The following PPTC7 variants were observed in gnomAD, a reference collection of about 807,000 sequenced individuals.
The protein encoded by PPTC7 is protein phosphatase PTC7 homolog.
In PPTC7, 6 loss-of-function variants were observed where a neutral mutation model predicts 30.8. The ratio of observed to expected loss-of-function variants is 0.19; its 90% CI spans 0.11 to 0.38. The LOEUF is 0.38. PPTC7 is among the 10% of genes least tolerant of loss of function. The pLI is 1.00. For missense variants in PPTC7, 218 were observed against 404.8 expected (o/e 0.54, Z 3.96); for synonymous variants, 163 against 168.1 (o/e 0.97, Z 0.23).
At chr12:110,571,623 C>A (rs2064538059) in intron 1 of PPTC7, among the ~76,000 whole-genome samples, 1 of 152,202 alleles carries the variant, frequency 6.6e-6, no homozygotes, top group Non-Finnish European at 1.5e-5. Context: ...CTGCTCACCT[C>A]TAACTGTGCC....
At chr12:110,553,211 G>C (rs1042316162) in intron 1 of PPTC7, among the ~76,000 whole-genome samples, 1 of 143,862 alleles carries the variant, frequency 7.0e-6, no homozygotes, top group Admixed American at 6.9e-5. Context: ...GCAGTGGCGT[G>C]ATCTCGGCTC....
chr12:110,540,382 C>T (rs1436076843), intron 3 of PPTC7, among the ~76,000 whole-genome samples: 3 of 125,992 alleles, frequency 2.4e-5, no homozygotes, highest in African/African-American at 8.8e-5. Flanking sequence ...AATGCAGTGG[C>T]ACGATATAGG....
At chr12:110,537,846 G>A (rs1369942089) in intron 5 of PPTC7, among the ~76,000 whole-genome samples, 1 of 152,188 alleles carries the variant, frequency 6.6e-6, no homozygotes, top group Non-Finnish European at 1.5e-5. Context: ...ACGCACTCTG[G>A]GCAGAGCTCG....
At chr12:110,560,366 C>T (rs1308008899) in intron 1 of PPTC7, among the ~76,000 whole-genome samples, 2 of 151,222 alleles carry the variant, frequency 1.3e-5, no homozygotes, top group African/African-American at 2.4e-5. Flanking sequence ...ACACTACTTG[C>T]ACTTCAGCCT....
At chr12:110,575,353 C>A (rs917068089) in intron 1 of PPTC7, among the ~76,000 whole-genome samples, 3 of 151,994 alleles carry the variant, frequency 2.0e-5, no homozygotes, top group Non-Finnish European at 2.9e-5. Flanking sequence ...AAGCCCCAGG[C>A]AAGACCTCTC....
At chr12:110,560,495 T>C (rs1433758937) in intron 1 of PPTC7, among the ~76,000 whole-genome samples, 2 of 152,132 alleles carry the variant, frequency 1.3e-5, no homozygotes, top group African/African-American at 2.4e-5. Context: ...AACTGTGTAA[T>C]TGCAAAAGGC....
At chr12:110,555,541 C>T (rs983790007) in intron 1 of PPTC7, among the ~76,000 whole-genome samples, 3 of 152,124 alleles carry the variant, frequency 2.0e-5, no homozygotes, top group Non-Finnish European at 4.4e-5. Context: ...AAAAAAGACC[C>T]TTTTGCCTGC....
At chr12:110,564,757 C>CAT (rs1220237684) in intron 1 of PPTC7, among the ~76,000 whole-genome samples, 2 of 148,054 alleles carry the variant, frequency 1.4e-5, no homozygotes, top group African/African-American at 2.5e-5. Flanking sequence ...TTTATATACA[C>CAT]ATATATATAC....
At chr12:110,579,698 G>A (rs1345857010) in intron 1 of PPTC7, among the ~76,000 whole-genome samples, 2 of 152,098 alleles carry the variant, frequency 1.3e-5, no homozygotes, top group Non-Finnish European at 2.9e-5. Flanking sequence ...CAGAACAAAG[G>A]GTGCCATCTA....
chr12:110,538,904 T>C (rs943457732), intron 4 of PPTC7, among the ~76,000 whole-genome samples: 4 of 152,216 alleles, frequency 2.6e-5, no homozygotes, highest in Non-Finnish European at 5.9e-5. Context: ...TCTATTCCCT[T>C]ATCCAGCTTT....
intron 1 of PPTC7, among the ~76,000 whole-genome samples, chr12:110,564,877 T>TACA (rs1288351192): frequency 8.7e-5 from 13 of 149,470 alleles, no homozygotes; most frequent in African/African-American, 2.0e-4. Flanking sequence ...TATATATACA[T>TACA]TGTTTTTTTT....
At chr12:110,555,490 CACA>C (rs1204288022) in intron 1 of PPTC7, among the ~76,000 whole-genome samples, 2 of 152,158 alleles carry the variant, frequency 1.3e-5, no homozygotes, top group Non-Finnish European at 2.9e-5. Flanking sequence ...TTTTCCATAA[CACA>C]ACATTTAAAT....
intron 5 of PPTC7, among the ~76,000 whole-genome samples, chr12:110,537,322 C>A (rs1593140409): frequency 6.6e-6 from 1 of 152,124 alleles, no homozygotes. Flanking sequence ...ATCTTCCCTG[C>A]TCCTTTACAA....
In PPTC7 at chr12:110,556,216, T is replaced by C. The variant is rs150406857; in HGVS notation, c.224-4248A>G. Among the ~76,000 whole-genome samples, 336 of 152,322 alleles carry C rather than the reference T, an allele frequency of 2.2e-3. 4 individuals are homozygous for C. The highest frequency in any genetic ancestry group is 1.5e-3 in the East Asian group (8 of 5,186). On this transcript the variant is annotated intron_variant, in intron 1 of 5. Transcript: ENST00000354300. ...CCTTTTGGGCACCTGTTTGCTTTTT[T>C]ACACGGGCAAAGGATGCCAAGCAAA... is the stretch of plus-strand genomic sequence containing the variant.
At chr12:110,552,667 G>C (rs2064357478) in intron 1 of PPTC7, among the ~76,000 whole-genome samples, 1 of 152,100 alleles carries the variant, frequency 6.6e-6, no homozygotes, top group South Asian at 2.1e-4. Flanking sequence ...GATCGAGACT[G>C]TCCTGGCTAA....
At chr12:110,537,224 G>A in intron 5 of PPTC7, 129 bp from the exon 6 acceptor site, 2 of 521,288 alleles carry the variant, frequency 3.8e-6, no homozygotes, top group Non-Finnish European at 6.7e-6. Flanking sequence ...GTATACCCTA[G>A]TAGAATAAAG....
chr12:110,549,614 A>G (rs2064335973), intron 2 of PPTC7, among the ~76,000 whole-genome samples: 1 of 152,224 alleles, frequency 6.6e-6, no homozygotes, highest in African/African-American at 2.4e-5. Flanking sequence ...CAATGTAAGA[A>G]AATATTATTT....
At chr12:110,568,259 T>G (rs966327788) in intron 1 of PPTC7, among the ~76,000 whole-genome samples, 6 of 151,438 alleles carry the variant, frequency 4.0e-5, no homozygotes, top group East Asian at 3.9e-4. Context: ...ATGCGTTTTT[T>G]TTTTTTTTTT....
intron 3 of PPTC7, among the ~76,000 whole-genome samples, chr12:110,544,339 T>C (rs2064288350): frequency 6.6e-6 from 1 of 152,220 alleles, no homozygotes; most frequent in African/African-American, 2.4e-5. Flanking sequence ...ATGAGAGCTA[T>C]TAAGTAGAGA....
Sources: gnomAD v4.1 joint callset for allele counts (sites outside exome capture counted in the v4.1 genomes callset) on GRCh38, gnomAD v4.1.1 for gene constraint, MANE v1.5 for transcripts, NCBI Gene and HGNC (gene_info 2026-07-23, HGNC 2026-07-21) for gene names.